SLC9A7: variants seen among roughly 807,000 people sequenced by gnomAD.
SLC9A7 encodes solute carrier family 9 member A7, also known as sodium/hydrogen exchanger 7.
SLC9A7 carries 19 observed loss-of-function variants against 52.6 expected under a neutral mutation model. The observed-to-expected ratio is 0.36, with a 90% CI of 0.25 to 0.53. The LOEUF (loss-of-function observed/expected upper bound fraction) is 0.53. Ranked by LOEUF, SLC9A7 falls within the 20% of genes least tolerant of loss-of-function variation. The probability of loss-of-function intolerance (pLI) is 0.91; values close to 1 mark genes in which losing one functional copy is unlikely to be tolerated. For missense variants in SLC9A7, 455 were observed against 597.9 expected (o/e 0.76, Z 2.49); for synonymous variants, 226 against 252.1 (o/e 0.90, Z 0.98).
At chrX:46,709,771 T>C (rs1944660665) in intron 1 of SLC9A7, among the ~76,000 whole-genome samples, 1 of 112,245 alleles carries the variant, frequency 8.9e-6, no homozygotes, top group Admixed American at 9.4e-5. Flanking sequence ...CCAGCAGCCA[T>C]TCTTTTAGTT....
At position 46,722,358 on chromosome X, in the gene SLC9A7, T is replaced by TA. The variant is rs769692570; in HGVS notation, c.325+36346dup. Reference sequence around the variant, plus strand: ...ATATAAACACAAGGATCCATAGCTTTAAAAAAAACACTTTGTTTCTGTGAC... The same window carrying TA: ...ATATAAACACAAGGATCCATAGCTTTAAAAAAAAACACTTTGTTTCTGTGAC... On this transcript the variant is annotated intron_variant, in intron 1 of 16. Coordinates refer to ENST00000616978, the MANE Select transcript of SLC9A7 (RefSeq NM_001257291.2). Among the ~76,000 whole-genome samples, 63 of 111,577 alleles carry TA rather than the reference T, an allele frequency of 5.6e-4. 1 individual carries two copies. Among genetic ancestry groups the TA allele is most frequent in the African/African-American group, 1.6e-3 (50 of 30,734 alleles).
chrX:46,735,746 A>C (rs1177791703), intron 1 of SLC9A7, among the ~76,000 whole-genome samples: 1 of 111,300 alleles, frequency 9.0e-6, no homozygotes, highest in Non-Finnish European at 1.9e-5. Flanking sequence ...TTTTCACTGG[A>C]TATAGAATTC....
intron 1 of SLC9A7, among the ~76,000 whole-genome samples, chrX:46,693,850 A>G (rs1242227661): frequency 9.0e-6 from 1 of 111,182 alleles, no homozygotes; most frequent in Non-Finnish European, 1.9e-5. Context: ...CAGGAGTTCA[A>G]GACCAGCCTG....
chrX:46,738,796 A>G (rs1921089793), intron 1 of SLC9A7, among the ~76,000 whole-genome samples: 1 of 109,823 alleles, frequency 9.1e-6, no homozygotes, highest in Non-Finnish European at 1.9e-5. Flanking sequence ...ACAAACAAAC[A>G]AACACCAAAT....
At chrX:46,734,645 G>A (rs1262685091) in intron 1 of SLC9A7, among the ~76,000 whole-genome samples, 1 of 111,521 alleles carries the variant, frequency 9.0e-6, no homozygotes, top group Non-Finnish European at 1.9e-5. Context: ...GAAGCCTTCA[G>A]GTGGCTGAGA....
Position 46,669,757 on chromosome X carries a change from A to C in SLC9A7, c.681-38T>G, listed in dbSNP as rs147177414. On this transcript the variant is annotated intron_variant, in intron 4 of 16. Transcript: ENST00000616978. ...AAGGTAAACTATGTCAGGAGAAAAA[A>C]ATAAGTAACTTAGCAAACACGCAAG... 5.6e-3 allele frequency: 4,125 copies of C among 740,830 alleles called. 10 individuals are homozygous for C. Among genetic ancestry groups the C allele is most frequent in the Non-Finnish European group, 7.2e-3 (3,603 of 503,850 alleles). The allele number at this position is 740,830 out of a possible 1,213,427, so 61.1% of individuals were successfully genotyped here. A position where few individuals can be genotyped will look rare whatever the true frequency, so the allele number is the denominator to read the frequency against.
chrX:46,752,646 G>A (rs1556288969), intron 1 of SLC9A7, among the ~76,000 whole-genome samples: 1 of 111,002 alleles, frequency 9.0e-6, no homozygotes, highest in Non-Finnish European at 1.9e-5. Flanking sequence ...ACACATACAG[G>A]AAGGATACTA....
At chrX:46,701,270 G>A (rs1471359502) in intron 1 of SLC9A7, among the ~76,000 whole-genome samples, 1 of 111,779 alleles carries the variant, frequency 8.9e-6, no homozygotes, top group Non-Finnish European at 1.9e-5. Context: ...AAATATACTA[G>A]TAAGATGCTT....
intron 8 of SLC9A7, among the ~76,000 whole-genome samples, chrX:46,651,695 G>A (rs1943583436): frequency 9.1e-6 from 1 of 109,605 alleles, no homozygotes; most frequent in Non-Finnish European, 1.9e-5. Flanking sequence ...CGGATGTGGT[G>A]GCGTGGGCCT....
intron 1 of SLC9A7, among the ~76,000 whole-genome samples, chrX:46,724,650 C>T (rs1416618179): frequency 9.0e-6 from 1 of 110,856 alleles, no homozygotes; most frequent in Non-Finnish European, 1.9e-5. Context: ...AACTCCATTC[C>T]AATATTGGAC....
chrX:46,747,489 T>C (rs1921866337), intron 1 of SLC9A7, among the ~76,000 whole-genome samples: 1 of 111,613 alleles, frequency 9.0e-6, no homozygotes, highest in African/African-American at 3.3e-5. Context: ...CAAAATAATA[T>C]TGTTTTTAAA....
At chrX:46,655,778 G>A (rs1054055292) in intron 7 of SLC9A7, among the ~76,000 whole-genome samples, 13 of 112,715 alleles carry the variant, frequency 1.2e-4, no homozygotes, top group African/African-American at 3.9e-4. Flanking sequence ...ACTGCAAGGC[G>A]GCAGCGAGGC....
chrX:46,739,886 T>C (rs1921209790), intron 1 of SLC9A7, among the ~76,000 whole-genome samples: 1 of 111,811 alleles, frequency 8.9e-6, no homozygotes, highest in Non-Finnish European at 1.9e-5. Context: ...AACACTGCCA[T>C]TGAAAATAGA....
At chrX:46,738,109 G>GAAAGAAAGAAAGA in intron 1 of SLC9A7, among the ~76,000 whole-genome samples, 1 of 46,686 alleles carries the variant, frequency 2.1e-5, no homozygotes, top group South Asian at 6.9e-4. Flanking sequence ...GAAAGAAAGA[G>GAAAGAAAGAAAGA]AAAAGAAAAG....
intron 3 of SLC9A7, among the ~76,000 whole-genome samples, chrX:46,674,067 A>G (rs913748945): frequency 8.9e-6 from 1 of 111,755 alleles, no homozygotes; most frequent in Admixed American, 9.6e-5. Context: ...AAGGGCTTCA[A>G]TCAGGGAGGG....
At chrX:46,670,963 T>C (rs1272910201) in intron 4 of SLC9A7, among the ~76,000 whole-genome samples, 1 of 111,539 alleles carries the variant, frequency 9.0e-6, no homozygotes, top group African/African-American at 3.3e-5. Context: ...CTTTTCCCCA[T>C]TTTGCTTCCT....
At chrX:46,634,086 T>C (rs1425234868) in intron 13 of SLC9A7, among the ~76,000 whole-genome samples, 48 of 112,123 alleles carry the variant, frequency 4.3e-4, no homozygotes, top group Non-Finnish European at 7.5e-5. Context: ...TCTCCTGACC[T>C]GGTATAACGC....
rs1306993637 is a variant in SLC9A7, at chrX:46,605,396, T to C, written c.*1556A>G. The C allele has an allele frequency of 9.0e-6, 1 of 110,927 alleles. No homozygotes were observed. Among genetic ancestry groups the C allele is most frequent in the Non-Finnish European group, 1.9e-5 (1 of 52,966 alleles). 9.1% of individuals were successfully genotyped at this position (110,927 alleles called of 1,213,427 possible). A position where few individuals can be genotyped will look rare whatever the true frequency, so the allele number is the denominator to read the frequency against. On this transcript the variant is annotated 3_prime_UTR_variant, in exon 17 of 17. Coordinates refer to ENST00000616978, the MANE Select transcript of SLC9A7 (RefSeq NM_001257291.2). ...CAGCTCATCCAGAAAGAATCCAAAC[T>C]GAAAACCTAACTTTCAAATCACACC...
intron 1 of SLC9A7, among the ~76,000 whole-genome samples, chrX:46,688,128 C>T (rs192750436): frequency 1.5e-4 from 17 of 111,921 alleles, no homozygotes; most frequent in African/African-American, 4.9e-4. Context: ...ATGTGAATAA[C>T]GCTGCTATGA....
Sources: allele counts gnomAD v4.1 joint callset (sites outside exome capture counted in the v4.1 genomes callset), GRCh38; gene constraint gnomAD v4.1.1; transcripts MANE v1.5; gene names NCBI Gene and HGNC (gene_info 2026-07-23, HGNC 2026-07-21).